ATXN7L1: variants seen among roughly 807,000 people sequenced by gnomAD.
ATXN7L1 encodes the protein ataxin 7 like 1.
In ATXN7L1, 15 loss-of-function variants were observed where a neutral mutation model predicts 70.8. That is an observed-to-expected ratio of 0.21 (90% CI 0.14 to 0.33). The LOEUF (loss-of-function observed/expected upper bound fraction) is 0.33, where lower values mean the gene tolerates loss of function less well. ATXN7L1 is among the 10% of genes least tolerant of loss of function. The pLI is 1.00. For missense variants in ATXN7L1, 975 were observed against 1,097.1 expected, an observed-to-expected ratio of 0.89 and a Z score of 1.57; for synonymous variants, 440 against 445.1, an observed-to-expected ratio of 0.99 and a Z score of 0.14.
intron 2 of ATXN7L1, chr7:105,819,452 A>C: frequency 1.5e-6 from 1 of 655,192 alleles, no homozygotes; most frequent in Admixed American, 2.6e-5. Context: ...ATTTAAAAAA[A>C]AAAAAAAAAA....
chr7:105,733,613 TCCATCCATCCATCCATCCAC>T lies in ATXN7L1; in HGVS notation c.355+54971_355+54990del, dbSNP rs1340861325. Among the ~76,000 whole-genome samples the T allele has an allele frequency of 1.9e-3, 230 of 119,602 alleles. 19 individuals carry two copies. Among genetic ancestry groups the T allele is most frequent in the Non-Finnish European group, 2.3e-3 (134 of 57,210 alleles). 78.5% of individuals were successfully genotyped at this position (119,602 alleles called of 152,430 possible). On this transcript the variant is annotated intron_variant, in intron 3 of 11. Coordinates refer to ENST00000419735, the MANE Select transcript of ATXN7L1 (RefSeq NM_020725.2). ...ATCCATCCATCCATCCACCCATCCA[TCCATCCATCCATCCATCCAC>T]CCATCCATCCATCCATCCATCCATC...
intron 3 of ATXN7L1, among the ~76,000 whole-genome samples, chr7:105,689,913 T>A (rs1790534145): frequency 6.6e-6 from 1 of 152,156 alleles, no homozygotes; most frequent in African/African-American, 2.4e-5. Flanking sequence ...GTGGGGCCAG[T>A]GTGAGAAAGC....
At chr7:105,795,760 C>T (rs1301467209) in intron 2 of ATXN7L1, among the ~76,000 whole-genome samples, 2 of 151,864 alleles carry the variant, frequency 1.3e-5, no homozygotes, top group Non-Finnish European at 2.9e-5. Context: ...ATCCCACGGT[C>T]GGAAAAAAGA....
At chr7:105,618,802 C>A (rs982235408) in intron 9 of ATXN7L1, among the ~76,000 whole-genome samples, 2 of 152,200 alleles carry the variant, frequency 1.3e-5, no homozygotes, top group African/African-American at 4.8e-5. Flanking sequence ...AGTGGGCCGG[C>A]CTTACATTAT....
chr7:105,848,246 C>T (rs1006897385), intron 2 of ATXN7L1, among the ~76,000 whole-genome samples: 1 of 152,042 alleles, frequency 6.6e-6, no homozygotes, highest in Non-Finnish European at 1.5e-5. Context: ...AGATATTGGC[C>T]AGAGTTGGGA....
intron 3 of ATXN7L1, among the ~76,000 whole-genome samples, chr7:105,727,186 A>C (rs1471361847): frequency 6.6e-6 from 1 of 152,204 alleles, no homozygotes; most frequent in Admixed American, 6.5e-5. Context: ...CTGAATAAAC[A>C]CTATGCACAA....
At chr7:105,868,430 C>G (rs1817794779) in intron 2 of ATXN7L1, among the ~76,000 whole-genome samples, 1 of 152,074 alleles carries the variant, frequency 6.6e-6, no homozygotes, top group East Asian at 1.9e-4. Flanking sequence ...AACAGTTGAG[C>G]GTATTAAAAA....
At chr7:105,715,249 AG>A (rs1224872664) in intron 3 of ATXN7L1, among the ~76,000 whole-genome samples, 1 of 152,256 alleles carries the variant, frequency 6.6e-6, no homozygotes, top group Non-Finnish European at 1.5e-5. Context: ...CTTTGGGCAA[AG>A]AACTTAACTT....
At chr7:105,655,845 CT>C (rs978364011) in intron 4 of ATXN7L1, among the ~76,000 whole-genome samples, 1 of 152,230 alleles carries the variant, frequency 6.6e-6, no homozygotes. Flanking sequence ...GGAGCCCCGC[CT>C]ACCTGGGGAG....
intron 3 of ATXN7L1, among the ~76,000 whole-genome samples, chr7:105,718,891 T>C (rs892485461): frequency 1.3e-5 from 2 of 152,156 alleles, no homozygotes; most frequent in Non-Finnish European, 2.9e-5. Flanking sequence ...AGGATTTATC[T>C]TGTGGGGAGG....
intron 2 of ATXN7L1, among the ~76,000 whole-genome samples, chr7:105,841,006 A>G (rs543098486): frequency 1.3e-5 from 2 of 152,352 alleles, no homozygotes; most frequent in African/African-American, 2.4e-5. Flanking sequence ...CATTTTGGGT[A>G]AGGCCAGGAC....
At chr7:105,658,349 T>C (rs1332350717) in intron 4 of ATXN7L1, among the ~76,000 whole-genome samples, 2 of 152,158 alleles carry the variant, frequency 1.3e-5, no homozygotes, top group African/African-American at 2.4e-5. Flanking sequence ...CACTTGTTCC[T>C]AGATTACAAA....
chr7:105,721,744 C>G (rs767523647), intron 3 of ATXN7L1, among the ~76,000 whole-genome samples: 1 of 152,234 alleles, frequency 6.6e-6, no homozygotes, highest in African/African-American at 2.4e-5. Context: ...CTCAGCCTGG[C>G]TGCTCTGCCC....
At chr7:105,670,993 G>C (rs1012531174) in intron 3 of ATXN7L1, among the ~76,000 whole-genome samples, 5 of 151,824 alleles carry the variant, frequency 3.3e-5, no homozygotes, top group African/African-American at 1.2e-4. Flanking sequence ...GTTAGTCCCA[G>C]CTACTCGGGA....
chr7:105,795,405 G>C (rs543403764), intron 2 of ATXN7L1, among the ~76,000 whole-genome samples: 1 of 152,316 alleles, frequency 6.6e-6, no homozygotes, highest in South Asian at 2.1e-4. Context: ...TTAAGGAAAA[G>C]GCAGGGTGAC....
intron 3 of ATXN7L1, among the ~76,000 whole-genome samples, chr7:105,719,062 C>A (rs1435458640): frequency 6.6e-6 from 1 of 152,146 alleles, no homozygotes; most frequent in Non-Finnish European, 1.5e-5. Context: ...ACAGTGGCCA[C>A]CAGCCTCACA....
At chr7:105,732,029 G>T (rs1181246751) in intron 3 of ATXN7L1, among the ~76,000 whole-genome samples, 1 of 152,032 alleles carries the variant, frequency 6.6e-6, no homozygotes, top group African/African-American at 2.4e-5. Context: ...GGAGTCGGAG[G>T]TTGCAGTGAA....
intron 4 of ATXN7L1, among the ~76,000 whole-genome samples, chr7:105,655,427 A>C (rs1391606375): frequency 6.6e-6 from 1 of 152,180 alleles, no homozygotes; most frequent in Non-Finnish European, 1.5e-5. Context: ...ACGGGCTCAC[A>C]TCACTCTGGG....
intron 4 of ATXN7L1, chr7:105,649,493 G>C (rs1448362852): frequency 1.1e-5 from 11 of 987,622 alleles, no homozygotes; most frequent in Non-Finnish European, 1.3e-5. Flanking sequence ...GATCAAGGCG[G>C]GTCCTCTGGC....
Sources: gnomAD v4.1 joint callset for allele counts (sites outside exome capture counted in the v4.1 genomes callset) on GRCh38, gnomAD v4.1.1 for gene constraint, MANE v1.5 for transcripts, NCBI Gene and HGNC (gene_info 2026-07-23, HGNC 2026-07-21) for gene names.